Variants in PITPNC1 observed in about 807,000 individuals in gnomAD.
PITPNC1 encodes phosphatidylinositol transfer protein cytoplasmic 1, also known as cytoplasmic phosphatidylinositol transfer protein 1.
A neutral mutation model predicts 44.7 loss-of-function variants in PITPNC1; 18 were observed. The ratio of observed to expected loss-of-function variants is 0.40; its 90% confidence interval spans 0.28 to 0.60. The LOEUF is 0.60. Among genes scored for constraint, PITPNC1 ranks in the 20% least tolerant of loss-of-function variants. The probability of loss-of-function intolerance (pLI) is 0.39; values close to 1 mark genes in which losing one functional copy is unlikely to be tolerated. For missense variants in PITPNC1, 290 were observed against 418.4 expected (o/e 0.69, Z 2.68); for synonymous variants, 141 against 149.6 (o/e 0.94, Z 0.42).
At chr17:67,473,274 G>A (rs931857918) in intron 1 of PITPNC1, among the ~76,000 whole-genome samples, 2 of 151,888 alleles carry the variant, frequency 1.3e-5, no homozygotes, top group Non-Finnish European at 2.9e-5. Flanking sequence ...GGCTCAAGCT[G>A]TCTACCCACC....
intron 5 of PITPNC1, among the ~76,000 whole-genome samples, chr17:67,599,822 G>A (rs2041517405): frequency 6.6e-6 from 1 of 152,194 alleles, no homozygotes; most frequent in African/African-American, 2.4e-5. Flanking sequence ...TCCCATCTCT[G>A]TGGAAAAGAA....
intron 1 of PITPNC1, among the ~76,000 whole-genome samples, chr17:67,501,001 T>G (rs1365028072): frequency 1.3e-5 from 2 of 152,124 alleles, no homozygotes; most frequent in African/African-American, 4.8e-5. Flanking sequence ...AAAGAAAGAT[T>G]CTTAACTGTT....
chr17:67,497,529 CTTTTTTT>C (rs34364657), intron 1 of PITPNC1, among the ~76,000 whole-genome samples: 1 of 87,514 alleles, frequency 1.1e-5, no homozygotes, highest in South Asian at 4.7e-4. Context: ...TTGTTCGTGT[CTTTTTTT>C]TTTTTTTTTT....
intron 1 of PITPNC1, among the ~76,000 whole-genome samples, chr17:67,424,085 C>CAAAAAAAA (rs71139144): frequency 1.3e-5 from 1 of 76,120 alleles, no homozygotes; most frequent in Non-Finnish European, 2.5e-5. Context: ...GAGACTGTCT[C>CAAAAAAAA]AAAAAAAAAA....
At position 67,599,035 on chromosome 17, in the gene PITPNC1, T is replaced by TATATATATATATATA. The variant is rs71139161; in HGVS notation, c.366+20778_366+20779insATATATATATATATA. On this transcript the variant is annotated intron_variant, in intron 5 of 8. Coordinates refer to ENST00000581322, the MANE Select transcript of PITPNC1 (RefSeq NM_012417.4). The stretch of plus-strand genomic sequence containing the variant: ...ATATATATATATATATATATATATA[T>TATATATATATATATA]TTTTTTTTTTTTTTTTTTTACCATG... 2.5e-3 allele frequency among the ~76,000 whole-genome samples: 73 copies of TATATATATATATATA among 28,730 alleles called. 2 individuals are homozygous for TATATATATATATATA. Among genetic ancestry groups the TATATATATATATATA allele is most frequent in the South Asian group, 3.2e-3 (2 of 616 alleles). 18.8% of individuals were successfully genotyped at this position (28,730 alleles called of 152,430 possible).
chr17:67,689,291 A>G (rs1474207487), intron 8 of PITPNC1, among the ~76,000 whole-genome samples: 1 of 152,224 alleles, frequency 6.6e-6, no homozygotes, highest in African/African-American at 2.4e-5. Context: ...GTGATAACGT[A>G]GAGTGGTTCT....
intron 4 of PITPNC1, among the ~76,000 whole-genome samples, chr17:67,568,560 T>A (rs2041011519): frequency 6.6e-6 from 1 of 152,174 alleles, no homozygotes; most frequent in Admixed American, 6.6e-5. Context: ...TCTTGCTTGC[T>A]CTGTCACCCA....
chr17:67,605,043 C>A (rs1416136002), intron 5 of PITPNC1, among the ~76,000 whole-genome samples: 3 of 152,122 alleles, frequency 2.0e-5, no homozygotes, highest in African/African-American at 7.2e-5. Flanking sequence ...CGCGCCATTG[C>A]ACTCCAGCCA....
intron 1 of PITPNC1, among the ~76,000 whole-genome samples, chr17:67,451,800 G>C (rs958147643): frequency 1.3e-5 from 2 of 151,986 alleles, no homozygotes; most frequent in African/African-American, 4.8e-5. Flanking sequence ...ATCACGCCTG[G>C]CTAATTTTTG....
intron 6 of PITPNC1, among the ~76,000 whole-genome samples, chr17:67,652,655 C>CGTG (rs2042221982): frequency 6.6e-6 from 1 of 152,196 alleles, no homozygotes; most frequent in Non-Finnish European, 1.5e-5. Flanking sequence ...AGCCAGCTGC[C>CGTG]GGGCCGAGAG....
At position 67,693,135 on chromosome 17, in the gene PITPNC1, A is replaced by G; in HGVS notation, c.*247A>G. 1 of 417,836 alleles carries G rather than the reference A, an allele frequency of 2.4e-6. No individual in the cohort carries two copies. The highest frequency in any genetic ancestry group is 4.2e-6 in the Non-Finnish European group (1 of 238,276). 25.9% of individuals were successfully genotyped at this position (417,836 alleles called of 1,614,324 possible). A position where few individuals can be genotyped will look rare whatever the true frequency, so the allele number is the denominator to read the frequency against. On this transcript the variant is annotated 3_prime_UTR_variant, in exon 9 of 9. Transcript: ENST00000581322. ...GAATCTTCTGTAACCACATAGCTGT[A>G]TGCCAGAGAGGAAGCCTTGTTATTG...
At chr17:67,666,398 G>T (rs1452373892) in intron 6 of PITPNC1, among the ~76,000 whole-genome samples, 1 of 152,192 alleles carries the variant, frequency 6.6e-6, no homozygotes, top group East Asian at 1.9e-4. Context: ...TACCTAGGAG[G>T]TTCCAGACTC....
At chr17:67,517,732 G>A (rs974878262) in intron 1 of PITPNC1, among the ~76,000 whole-genome samples, 2 of 152,206 alleles carry the variant, frequency 1.3e-5, no homozygotes, top group South Asian at 4.1e-4. Flanking sequence ...AGGTAACTTA[G>A]TGGTTGCTGG....
chr17:67,554,914 G>GA (rs1405560912), intron 4 of PITPNC1, among the ~76,000 whole-genome samples: 1 of 152,030 alleles, frequency 6.6e-6, no homozygotes, highest in Non-Finnish European at 1.5e-5. Context: ...GCAGAATGAA[G>GA]AAAAAACAGG....
chr17:67,602,224 A>G (rs776348242), intron 5 of PITPNC1, among the ~76,000 whole-genome samples: 4 of 152,182 alleles, frequency 2.6e-5, no homozygotes, highest in Non-Finnish European at 5.9e-5. Context: ...AAAATTGAGC[A>G]AGTGAAGGTC....
intron 8 of PITPNC1, among the ~76,000 whole-genome samples, chr17:67,677,478 G>C (rs976878668): frequency 1.3e-5 from 2 of 152,102 alleles, no homozygotes; most frequent in Non-Finnish European, 2.9e-5. Context: ...ACCCAGTGTG[G>C]GTGGGTATCT....
intron 5 of PITPNC1, among the ~76,000 whole-genome samples, chr17:67,626,143 G>A (rs555255336): frequency 1.3e-5 from 2 of 151,344 alleles, no homozygotes; most frequent in East Asian, 2.0e-4. Context: ...ACATCACCAC[G>A]CCCAACTAAT....
At chr17:67,443,938 A>G (rs1222328059) in intron 1 of PITPNC1, among the ~76,000 whole-genome samples, 5 of 151,924 alleles carry the variant, frequency 3.3e-5, no homozygotes, top group African/African-American at 1.2e-4. Flanking sequence ...CCCGGCCGAC[A>G]CTGGTCTTAA....
intron 1 of PITPNC1, among the ~76,000 whole-genome samples, chr17:67,432,029 A>G (rs1384761784): frequency 6.6e-6 from 1 of 152,212 alleles, no homozygotes; most frequent in Non-Finnish European, 1.5e-5. Flanking sequence ...CTCTTGGGAA[A>G]CGAGCTGGGT....
Sources: allele counts gnomAD v4.1 joint callset (sites outside exome capture counted in the v4.1 genomes callset), GRCh38; gene constraint gnomAD v4.1.1; transcripts MANE v1.5; gene names NCBI Gene and HGNC (gene_info 2026-07-23, HGNC 2026-07-21).